Variants in YEATS2 observed in about 807,000 individuals in gnomAD.
The protein encoded by YEATS2 is YEATS domain containing 2, also known as YEATS domain-containing protein 2.
In YEATS2, 77 loss-of-function variants were observed where a neutral mutation model predicts 163.2. The observed-to-expected ratio is 0.47, with a 90% CI of 0.39 to 0.57. The LOEUF (loss-of-function observed/expected upper bound fraction) is 0.57. Among genes scored for constraint, YEATS2 ranks in the 20% least tolerant of loss-of-function variants. YEATS2 has a pLI of 0.00. For synonymous variants in YEATS2, 631 were observed against 645.1 expected, an observed-to-expected ratio of 0.98 and a Z score of 0.33; for missense variants, 1,549 against 1,729.8, an observed-to-expected ratio of 0.90 and a Z score of 1.85.
At chr3:183,792,433 A>G (rs997750663) in intron 21 of YEATS2, among the ~76,000 whole-genome samples, 2 of 152,166 alleles carry the variant, frequency 1.3e-5, no homozygotes, top group African/African-American at 4.8e-5. Context: ...GCTGATGAGA[A>G]TGATGGCTTC....
At chr3:183,725,962 C>CT (rs1342719841) in intron 6 of YEATS2, among the ~76,000 whole-genome samples, 11 of 152,170 alleles carry the variant, frequency 7.2e-5, no homozygotes, top group African/African-American at 2.2e-4. Context: ...AGGTTTGTAT[C>CT]TAACAAGTCA....
chr3:183,756,108 A>G (rs372951399), intron 11 of YEATS2, among the ~76,000 whole-genome samples: 8 of 152,152 alleles, frequency 5.3e-5, no homozygotes, highest in Admixed American at 2.0e-4. Flanking sequence ...AAGCCTGCCT[A>G]TGGTGTTAAA....
Position 183,811,316 on chromosome 3 carries a change from T to G in YEATS2, c.*733T>G, listed in dbSNP as rs954014067. 4 of 152,526 alleles carry G rather than the reference T, an allele frequency of 2.6e-5. No individual in the cohort carries two copies. The highest frequency in any genetic ancestry group is 9.7e-5 in the African/African-American group (4 of 41,436). 9.4% of individuals were successfully genotyped at this position (152,526 alleles called of 1,614,324 possible). Reference sequence around the variant, plus strand: ...GCTAGGAATAGACTGTGTGCACCAGTCCCAGACACTTGGCAGAAGTGTAGC... The same window carrying G: ...GCTAGGAATAGACTGTGTGCACCAGGCCCAGACACTTGGCAGAAGTGTAGC... On this transcript the variant is annotated 3_prime_UTR_variant, in exon 31 of 31. Coordinates refer to ENST00000305135, the MANE Select transcript of YEATS2 (RefSeq NM_018023.5).
chr3:183,712,205 T>C (rs1715306779), intron 1 of YEATS2, among the ~76,000 whole-genome samples: 1 of 146,774 alleles, frequency 6.8e-6, no homozygotes, highest in Non-Finnish European at 1.5e-5. Context: ...TTATTTTATT[T>C]TATTTTATTT....
At chr3:183,790,292 A>G (rs1274733708) in intron 20 of YEATS2, among the ~76,000 whole-genome samples, 3 of 152,168 alleles carry the variant, frequency 2.0e-5, no homozygotes, top group African/African-American at 4.8e-5. Context: ...CCGTAGCATC[A>G]TTATACTTAG....
At chr3:183,808,962 A>G in intron 29 of YEATS2, 135 bp from the exon 30 acceptor site, 2 of 753,730 alleles carry the variant, frequency 2.7e-6, no homozygotes, top group Non-Finnish European at 4.5e-6. Flanking sequence ...TGAGGCCTTT[A>G]ATTTTTTCTT....
At chr3:183,731,297 C>CAA (rs63002261) in intron 7 of YEATS2, among the ~76,000 whole-genome samples, 4 of 122,870 alleles carry the variant, frequency 3.3e-5, no homozygotes, top group African/African-American at 3.1e-5. Context: ...GAGTCTGTCT[C>CAA]AAAAAAAAAA....
Position 183,772,451 on chromosome 3 carries a change from C to T in YEATS2, c.2094C>T (p.Ala698=), listed in dbSNP as rs1722570916. The change falls in exon 16 of 31, where the codon GCC becomes GCT. Residue 698 remains alanine (A), a synonymous_variant. Coordinates refer to ENST00000305135, the MANE Select transcript of YEATS2 (RefSeq NM_018023.5). ...AGCAAGTTGTAACCCAAGGAGTTGCCAAAGCAATTGTGAGTGGAGGTGGAG... is the reference window on the plus strand; with the variant it reads ...AGCAAGTTGTAACCCAAGGAGTTGCTAAAGCAATTGTGAGTGGAGGTGGAG... ...GPKQVVTQGV[A]KAIVSGGGGT... The T allele has an allele frequency of 6.2e-7, 1 of 1,613,986 alleles. No individual in the cohort carries two copies. The highest frequency in any genetic ancestry group is 8.5e-7 in the Non-Finnish European group (1 of 1,180,046).
intron 19 of YEATS2, among the ~76,000 whole-genome samples, chr3:183,778,413 TC>T (rs1723228907): frequency 6.6e-6 from 1 of 152,214 alleles, no homozygotes; most frequent in African/African-American, 2.4e-5. Context: ...TTGTAAAATT[TC>T]TCCAGAGGGG....
Position 183,754,132 on chromosome 3 carries a change from C to T in YEATS2, c.1157C>T (p.Pro386Leu), listed in dbSNP as rs377203580. ...CCTCTTTCATCTCAAGCAGGATTCC[C>T]AGCTAGCACTGAAGCTGAACGACAC... Reference protein sequence around the residue: ...VPDTSVEKGFPASTEAERHTP... With the variant: ...VPDTSVEKGFLASTEAERHTP... Residue 386 changes from proline to leucine, a missense_variant, in exon 11 of 31, where the codon CCA becomes CTA. By Grantham distance (98) the Pro-to-Leu change is moderately conservative (BLOSUM62 -3). Coordinates refer to ENST00000305135, the MANE Select transcript of YEATS2 (RefSeq NM_018023.5). The T allele has an allele frequency of 2.6e-6, 4 of 1,562,212 alleles. No individual in the cohort carries two copies. Among genetic ancestry groups the T allele is most frequent in the Middle Eastern group, 1.7e-4 (1 of 5,874 alleles).
intron 16 of YEATS2, 51 bp from the exon 17 acceptor site, chr3:183,773,582 T>A (rs1313062160): frequency 6.6e-7 from 1 of 1,508,668 alleles, no homozygotes; most frequent in Non-Finnish European, 8.9e-7. Flanking sequence ...TTTTAGAGTG[T>A]TGCCCTTAGT....
At chr3:183,755,231 G>A (rs575383605) in intron 11 of YEATS2, among the ~76,000 whole-genome samples, 1 of 152,014 alleles carries the variant, frequency 6.6e-6, no homozygotes, top group Admixed American at 6.6e-5. Context: ...GATTCTCCTG[G>A]CTCAGCCTCC....
chr3:183,708,609 A>G (rs1714865851), intron 1 of YEATS2, among the ~76,000 whole-genome samples: 1 of 152,126 alleles, frequency 6.6e-6, no homozygotes, highest in Admixed American at 6.6e-5. Flanking sequence ...GGTGGCTTAC[A>G]AATCTCAGCA....
intron 27 of YEATS2, chr3:183,806,350 G>C (rs1156842882): frequency 2.2e-6 from 1 of 456,378 alleles, no homozygotes; most frequent in African/African-American, 2.0e-5. Context: ...TCCAGAAAGT[G>C]GAAGGGCACT....
intron 1 of YEATS2, among the ~76,000 whole-genome samples, chr3:183,709,898 T>A (rs1476516551): frequency 6.6e-6 from 1 of 151,954 alleles, no homozygotes; most frequent in Non-Finnish European, 1.5e-5. Context: ...GCCAGGATGG[T>A]CTTCATCTCC....
At chr3:183,754,389 T>G (rs1720500590) in intron 11 of YEATS2, 24 bp downstream of exon 11, 1 of 1,594,382 alleles carries the variant, frequency 6.3e-7, no homozygotes, top group Middle Eastern at 1.7e-4. Flanking sequence ...TTGAAGACAG[T>G]GTATGTGGAG....
At chr3:183,799,739 C>T (rs1725480376) in intron 23 of YEATS2, among the ~76,000 whole-genome samples, 3 of 151,540 alleles carry the variant, frequency 2.0e-5, no homozygotes, top group Admixed American at 2.0e-4. Context: ...AGTTGATAAA[C>T]TAGCTGGAGA....
intron 2 of YEATS2, among the ~76,000 whole-genome samples, chr3:183,716,947 C>T (rs1160224183): frequency 2.0e-5 from 3 of 151,194 alleles, no homozygotes; most frequent in African/African-American, 7.3e-5. Flanking sequence ...GGCTGGAGTG[C>T]GGTGGCACGA....
chr3:183,719,272 A>G (rs1716246741), intron 4 of YEATS2, among the ~76,000 whole-genome samples: 1 of 149,674 alleles, frequency 6.7e-6, no homozygotes, highest in African/African-American at 2.5e-5. Context: ...AGTAGCTGGG[A>G]TTACAGGCAT....
Sources: allele counts gnomAD v4.1 joint callset (sites outside exome capture counted in the v4.1 genomes callset), GRCh38; gene constraint gnomAD v4.1.1; transcripts MANE v1.5; gene names NCBI Gene and HGNC (gene_info 2026-07-23, HGNC 2026-07-21).